Variants in CNTNAP5 observed in about 807,000 individuals in gnomAD.
CNTNAP5 encodes the protein contactin associated protein family member 5.
CNTNAP5 carries 72 observed loss-of-function variants against 150.2 expected under a neutral mutation model. The ratio of observed to expected loss-of-function variants is 0.48; its 90% CI spans 0.40 to 0.58. The LOEUF (loss-of-function observed/expected upper bound fraction) is 0.58. Ranked by LOEUF, CNTNAP5 falls within the 20% of genes least tolerant of loss-of-function variation. CNTNAP5 has a pLI of 0.00. For missense variants in CNTNAP5, 1,636 were observed against 1,626.2 expected (o/e 1.01, Z -0.10); for synonymous variants, 672 against 619.8 (o/e 1.08, Z -1.25).
chr2:124,584,775 C>T (rs1696491260), intron 11 of CNTNAP5, among the ~76,000 whole-genome samples: 1 of 152,128 alleles, frequency 6.6e-6, no homozygotes, highest in African/African-American at 2.4e-5. Flanking sequence ...AAATAACTTC[C>T]ACTAGGATAG....
rs559438402 is a variant in CNTNAP5 at position 124,798,333 on chromosome 2, G to C, written c.3217+13G>C. The C allele has an allele frequency of 1.3e-6, 2 of 1,581,654 alleles. No homozygotes were observed. The highest frequency in any genetic ancestry group is 1.7e-6 in the Non-Finnish European group (2 of 1,150,724). ...CTCTGCAAGAATGGTGAGTGTGATG[G>C]CATGATACCCAGCGGAGTCTCAGCC... On this transcript the variant is annotated intron_variant, in intron 19 of 23. Transcript: ENST00000682447.
At chr2:124,257,307 G>T (rs1687337931) in intron 3 of CNTNAP5, among the ~76,000 whole-genome samples, 1 of 152,150 alleles carries the variant, frequency 6.6e-6, no homozygotes, top group Non-Finnish European at 1.5e-5. Flanking sequence ...ACTTAACTCT[G>T]AGCTCCTCTG....
At chr2:124,824,720 A>G (rs1183407463) in intron 19 of CNTNAP5, among the ~76,000 whole-genome samples, 2 of 152,222 alleles carry the variant, frequency 1.3e-5, no homozygotes, top group Non-Finnish European at 2.9e-5. Flanking sequence ...GAGCACGATC[A>G]GTAGTGTCTG....
chr2:124,574,649 T>A (rs1314802311), intron 11 of CNTNAP5, among the ~76,000 whole-genome samples: 3 of 152,206 alleles, frequency 2.0e-5, no homozygotes, highest in Non-Finnish European at 2.9e-5. Context: ...ATGAGTCAAC[T>A]CAAACAGTAA....
At chr2:124,499,648 T>C (rs1316200573) in intron 7 of CNTNAP5, among the ~76,000 whole-genome samples, 1 of 152,182 alleles carries the variant, frequency 6.6e-6, no homozygotes, top group Admixed American at 6.5e-5. Context: ...CTGTTTGAAA[T>C]CCATTGTACT....
At chr2:124,670,570 A>G (rs149075222) in intron 13 of CNTNAP5, among the ~76,000 whole-genome samples, 1,537 of 151,612 alleles carry the variant, frequency 0.01, 28 homozygotes, top group African/African-American at 0.035. Context: ...ATGAAGCCCA[A>G]TTGAACTATT....
intron 2 of CNTNAP5, among the ~76,000 whole-genome samples, chr2:124,234,153 T>C (rs916360223): frequency 2.0e-5 from 3 of 152,154 alleles, no homozygotes; most frequent in Non-Finnish European, 2.9e-5. Flanking sequence ...AACAGTGTTT[T>C]ACCTTGCTGC....
chr2:124,494,211 A>T (rs2104853288), intron 7 of CNTNAP5, among the ~76,000 whole-genome samples: 1 of 152,078 alleles, frequency 6.6e-6, no homozygotes, highest in African/African-American at 2.4e-5. Flanking sequence ...TAGCGTGACT[A>T]ACTCCAAGTT....
chr2:124,558,432 T>TTCAGTTTGGGTACACAAAGTTTGG (rs11273535), intron 10 of CNTNAP5, among the ~76,000 whole-genome samples: 8 of 151,912 alleles, frequency 5.3e-5, no homozygotes, highest in East Asian at 1.9e-4. Flanking sequence ...GATTGGAAAG[T>TTCAGTTTGGGTACACAAAGTTTGG]AATATCTATT....
In CNTNAP5 at chr2:124,364,769, A is replaced by G. The variant is rs1690321926; in HGVS notation, c.382-52674A>G. ...CATTAACTGCATTAAGTATAATACC[A>G]GAAAGAAAATAAAAAGTACCAGAGG... On this transcript the variant is annotated intron_variant, in intron 3 of 23. Transcript: ENST00000682447. 3.9e-5 allele frequency among the ~76,000 whole-genome samples: 6 copies of G among 152,366 alleles called. No individual in the cohort carries two copies. The South Asian group carries it at 1.2e-3, about 32-fold the overall frequency.
intron 3 of CNTNAP5, among the ~76,000 whole-genome samples, chr2:124,357,299 TCTTTA>T (rs1209882890): frequency 5.9e-5 from 9 of 152,234 alleles, no homozygotes; most frequent in African/African-American, 2.2e-4. Context: ...GTGCAGAAGC[TCTTTA>T]CTTTAATTAG....
chr2:124,582,977 T>C (rs999077844), intron 11 of CNTNAP5, among the ~76,000 whole-genome samples: 1 of 152,216 alleles, frequency 6.6e-6, no homozygotes, highest in African/African-American at 2.4e-5. Flanking sequence ...AAAAATTATA[T>C]TCATAATTTA....
intron 3 of CNTNAP5, among the ~76,000 whole-genome samples, chr2:124,336,966 G>T (rs1028707627): frequency 2.0e-5 from 3 of 152,098 alleles, no homozygotes; most frequent in Non-Finnish European, 4.4e-5. Context: ...TTCCACAGTG[G>T]TTGAAGTAGT....
At chr2:124,179,078 A>T (rs2104676864) in intron 1 of CNTNAP5, among the ~76,000 whole-genome samples, 1 of 151,650 alleles carries the variant, frequency 6.6e-6, no homozygotes, top group African/African-American at 2.4e-5. Context: ...CTCCCATTCC[A>T]TACCCCACCC....
intron 3 of CNTNAP5, among the ~76,000 whole-genome samples, chr2:124,368,975 T>C (rs75240991): frequency 0.07 from 10,588 of 152,212 alleles, 459 homozygotes; most frequent in East Asian, 0.21. Context: ...CATATAAAAT[T>C]GTGGCTTGTT....
intron 11 of CNTNAP5, among the ~76,000 whole-genome samples, chr2:124,591,280 C>G (rs985929970): frequency 1.3e-5 from 2 of 152,122 alleles, no homozygotes; most frequent in African/African-American, 4.8e-5. Flanking sequence ...ATGATTTCCT[C>G]AAAGATGACC....
chr2:124,833,725 A>C (rs1039836828), intron 19 of CNTNAP5, among the ~76,000 whole-genome samples: 2 of 152,156 alleles, frequency 1.3e-5, no homozygotes, highest in African/African-American at 2.4e-5. Flanking sequence ...GAATCACATC[A>C]GGGTTTCAAT....
At chr2:124,044,975 A>G (rs1051849206) in intron 1 of CNTNAP5, among the ~76,000 whole-genome samples, 3 of 152,102 alleles carry the variant, frequency 2.0e-5, no homozygotes, top group Non-Finnish European at 4.4e-5. Flanking sequence ...AATTTCATCC[A>G]AAGAGTAAGA....
chr2:124,893,425 A>C (rs982695703), intron 21 of CNTNAP5, among the ~76,000 whole-genome samples: 1 of 152,138 alleles, frequency 6.6e-6, no homozygotes, highest in African/African-American at 2.4e-5. Flanking sequence ...AAGCGATCTT[A>C]ATAAGAACTA....
Sources: gnomAD v4.1 joint callset for allele counts (sites outside exome capture counted in the v4.1 genomes callset) on GRCh38, gnomAD v4.1.1 for gene constraint, MANE v1.5 for transcripts, NCBI Gene and HGNC (gene_info 2026-07-23, HGNC 2026-07-21) for gene names.